LIPF: variants seen among roughly 807,000 people sequenced by gnomAD.
LIPF encodes lipase F, gastric type.
LIPF carries 25 observed loss-of-function variants against 38.0 expected under a neutral mutation model. That is an observed-to-expected ratio of 0.66 (90% CI 0.48 to 0.92). The LOEUF is 0.92. Among genes scored for constraint, LIPF ranks in the 40% least tolerant of loss-of-function variants. LIPF has a pLI of 0.00. For synonymous variants in LIPF, 161 were observed against 156.2 expected, an observed-to-expected ratio of 1.03 and a Z score of -0.23; for missense variants, 410 against 469.9, an observed-to-expected ratio of 0.87 and a Z score of 1.18.
chr10:88,674,323 C>A (rs1841652349), intron 7 of LIPF, among the ~76,000 whole-genome samples: 1 of 152,206 alleles, frequency 6.6e-6, no homozygotes, highest in Non-Finnish European at 1.5e-5. Flanking sequence ...CGCCCGCCAC[C>A]ACGCCCGGCT....
chr10:88,668,455 C>A, intron 3 of LIPF, 103 bp from the exon 4 acceptor site: 1 of 945,654 alleles, frequency 1.1e-6, no homozygotes, highest in South Asian at 1.7e-5. Context: ...CTCAATCAGG[C>A]AAATGTATTT....
At chr10:88,674,616 G>A (rs1276364508) in intron 7 of LIPF, among the ~76,000 whole-genome samples, 1 of 152,172 alleles carries the variant, frequency 6.6e-6, no homozygotes, top group Non-Finnish European at 1.5e-5. Flanking sequence ...TGACTTAAAC[G>A]TCTCTGTCTT....
At chr10:88,665,564 G>C in intron 1 of LIPF, 1 of 1,534,288 alleles carries the variant, frequency 6.5e-7, no homozygotes, top group Non-Finnish European at 8.7e-7. Context: ...CAAACAGTAG[G>C]TTAAGTGTCC....
intron 4 of LIPF, 59 bp downstream of exon 4, chr10:88,668,815 C>T: frequency 7.1e-7 from 1 of 1,409,754 alleles, no homozygotes; most frequent in Middle Eastern, 1.8e-4. Context: ...GGCATTTGCC[C>T]CTTCTAATCC....
At chr10:88,671,478 T>C (rs894099370) in intron 5 of LIPF, among the ~76,000 whole-genome samples, 6 of 152,230 alleles carry the variant, frequency 3.9e-5, no homozygotes, top group African/African-American at 1.2e-4. Flanking sequence ...ATTATCTCAT[T>C]GTAATGAGAT....
At chr10:88,678,321 T>C in intron 9 of LIPF, 124 bp from the exon 10 acceptor site, 1 of 756,798 alleles carries the variant, frequency 1.3e-6, no homozygotes, top group South Asian at 1.5e-5. Context: ...GTTTTCTCTG[T>C]GCAATCATTG....
chr10:88,671,539 T>A (rs887191884), intron 5 of LIPF, among the ~76,000 whole-genome samples: 19 of 152,252 alleles, frequency 1.2e-4, no homozygotes, highest in Non-Finnish European at 2.1e-4. Context: ...CATAAAAAAA[T>A]TTTTTGTAAC....
chr10:88,672,670 A>ACACACACACTCT (rs869259093), intron 6 of LIPF, among the ~76,000 whole-genome samples: 45 of 110,558 alleles, frequency 4.1e-4, no homozygotes, highest in African/African-American at 1.5e-3. Flanking sequence ...ACACACACAC[A>ACACACACACTCT]CTCTCTCTCT....
intron 4 of LIPF, chr10:88,669,623 A>G (rs1841564394): frequency 4.8e-6 from 2 of 419,710 alleles, no homozygotes; most frequent in Non-Finnish European, 8.6e-6. Context: ...TTTGGATTCA[A>G]TTGTGGCTGC....
intron 1 of LIPF, among the ~76,000 whole-genome samples, chr10:88,666,029 G>A (rs535883501): frequency 2.6e-5 from 4 of 152,182 alleles, no homozygotes; most frequent in South Asian, 2.1e-4. Flanking sequence ...GAGCTACCGC[G>A]CTCTGCCAAA....
At chr10:88,673,818 G>A in intron 7 of LIPF, 84 bp downstream of exon 7, 1 of 1,096,368 alleles carries the variant, frequency 9.1e-7, no homozygotes, top group Middle Eastern at 2.8e-4. Context: ...TACTTTATGA[G>A]AACTAGGAGT....
chr10:88,670,884 T>C (rs1255862590), intron 5 of LIPF, among the ~76,000 whole-genome samples: 2 of 152,188 alleles, frequency 1.3e-5, no homozygotes, highest in Non-Finnish European at 2.9e-5. Context: ...AGGACTCTTA[T>C]AGTACCCATG....
rs1841557591 is a variant in LIPF at position 88,669,136 on chromosome 10, TG to T, written c.422+384del. The T allele has an allele frequency of 1.7e-5, 3 of 178,296 alleles. No individual in the cohort carries two copies. In the South Asian group the frequency reaches 4.1e-4, roughly 24 times the overall value. The allele number at this position is 178,296 out of a possible 1,614,324, so 11.0% of individuals were successfully genotyped here. ...TCTGAATCATCATCAATAGGAGGGGTGGGGAGAGTGAAATTCAGATATCATG... is the reference window on the plus strand; with the variant it reads ...TCTGAATCATCATCAATAGGAGGGGTGGGAGAGTGAAATTCAGATATCATG... On this transcript the variant is annotated intron_variant, in intron 4 of 9. Transcript: ENST00000238983.
chr10:88,672,910 C>A (rs1218394263), intron 6 of LIPF, among the ~76,000 whole-genome samples: 1 of 152,068 alleles, frequency 6.6e-6, no homozygotes, highest in Non-Finnish European at 1.5e-5. Context: ...TGATTGAGAA[C>A]TTATTTCCTA....
At chr10:88,676,366 G>A (rs1228641344) in intron 9 of LIPF, 86 bp downstream of exon 9, 8 of 801,786 alleles carry the variant, frequency 1.0e-5, no homozygotes, top group Non-Finnish European at 1.6e-5. Flanking sequence ...TGTTAACTGC[G>A]CATCTGTTTT....
intron 1 of LIPF, among the ~76,000 whole-genome samples, chr10:88,666,856 A>G (rs927635323): frequency 2.0e-5 from 3 of 152,224 alleles, no homozygotes; most frequent in African/African-American, 7.2e-5. Flanking sequence ...CACGTTATAC[A>G]GAGATTGGAT....
At chr10:88,666,775 C>G in intron 1 of LIPF, among the ~76,000 whole-genome samples, 1 of 152,102 alleles carries the variant, frequency 6.6e-6, no homozygotes, top group South Asian at 2.1e-4. Context: ...ACATAATAAC[C>G]TCAAATCAGT....
At chr10:88,665,576 C>A (rs1310915418) in intron 1 of LIPF, 9 of 1,528,716 alleles carry the variant, frequency 5.9e-6, no homozygotes, top group Non-Finnish European at 7.9e-6. Flanking sequence ...TAAGTGTCCT[C>A]ACTTTACAAT....
intron 3 of LIPF, among the ~76,000 whole-genome samples, chr10:88,668,218 A>G (rs916703343): frequency 6.7e-6 from 1 of 149,878 alleles, no homozygotes; most frequent in African/African-American, 2.4e-5. Context: ...GTACAAAAAG[A>G]AAAAAAAAAG....
Sources: gnomAD v4.1 joint callset for allele counts (sites outside exome capture counted in the v4.1 genomes callset) on GRCh38, gnomAD v4.1.1 for gene constraint, MANE v1.5 for transcripts, NCBI Gene and HGNC (gene_info 2026-07-23, HGNC 2026-07-21) for gene names.